MED23: variants seen among roughly 807,000 people sequenced by gnomAD.
MED23 encodes the protein mediator of RNA polymerase II transcription subunit 23.
A neutral mutation model predicts 163.9 loss-of-function variants in MED23; 105 were observed. The observed-to-expected ratio is 0.64, with a 90% CI of 0.55 to 0.75. MED23 has a LOEUF of 0.75. Among genes scored for constraint, MED23 ranks in the 30% least tolerant of loss-of-function variants. The probability of loss-of-function intolerance (pLI) is 0.00; values close to 1 mark genes in which losing one functional copy is unlikely to be tolerated. For missense variants in MED23, 1,054 were observed against 1,649.0 expected, an observed-to-expected ratio of 0.64 and a Z score of 6.25; for synonymous variants, 561 against 565.6, an observed-to-expected ratio of 0.99 and a Z score of 0.12.
Position 131,598,617 on chromosome 6 carries a change from A to G in MED23, c.2365T>C (p.Phe789Leu). Residue 789 changes from phenylalanine (F) to leucine (L), a missense_variant, in exon 19 of 29, where the codon TTT becomes CTT. Phe to Leu is a conservative substitution (Grantham distance 22). Coordinates refer to ENST00000368068, the MANE Select transcript of MED23 (RefSeq NM_004830.4). The surrounding 1 kb of genome is among the most constrained non-coding windows in gnomAD (Gnocchi z 4.7). ...HFSMQGSPPL[F>L]LCLLWKMLLE... is the part of the protein sequence containing the mutation. Reference sequence around the variant, plus strand: ...AGCATTTTCCAGAGAAGACAAAGAAAGAGAGGAGGGGAGCCCTGCATAGAG... The same window carrying G: ...AGCATTTTCCAGAGAAGACAAAGAAGGAGAGGAGGGGAGCCCTGCATAGAG... The G allele has an allele frequency of 6.2e-7, 1 of 1,614,216 alleles. No homozygotes were observed. The highest frequency in any genetic ancestry group is 1.3e-5 in the African/African-American group (1 of 75,064).
In MED23 at chr6:131,591,442, T is replaced by G. The variant is rs1774626456; in HGVS notation, c.3557A>C (p.Tyr1186Ser). 1 of 1,613,954 alleles carries G rather than the reference T, an allele frequency of 6.2e-7. No homozygotes were observed. Among genetic ancestry groups the G allele is most frequent in the Non-Finnish European group, 8.5e-7 (1 of 1,179,872 alleles). Residue 1186 changes from tyrosine to serine, a missense_variant, in exon 26 of 29, where the codon TAT becomes TCT. Coordinates refer to ENST00000368068, the MANE Select transcript of MED23 (RefSeq NM_004830.4). Reference sequence around the variant, plus strand: ...AGTGAAATCAAAGAGGCGGAATGGATAGCCAACCCACTCTGTTTCAGACGT... The same window carrying G: ...AGTGAAATCAAAGAGGCGGAATGGAGAGCCAACCCACTCTGTTTCAGACGT... Reference protein sequence around the residue: ...SLTSETEWVGYPFRLFDFTAC... With the variant: ...SLTSETEWVGSPFRLFDFTAC...
intron 12 of MED23, among the ~76,000 whole-genome samples, chr6:131,607,366 G>A (rs531679661): frequency 2.6e-5 from 4 of 152,018 alleles, no homozygotes; most frequent in African/African-American, 7.2e-5. Context: ...CCAACACGGC[G>A]AAACCCTGTC....
rs77187818 is a variant in MED23 at position 131,593,092 on chromosome 6, A to G, written c.3312T>C (p.Ala1104=). The part of the protein sequence containing the change: ...FNEFPNPAAH[A]LHVTCVELMA... ...TGAGCTCCACACAAGTAACATGGAG[A>G]GCATGGGCAGCTGGGTTGGGAAACT... Residue 1104 remains alanine (A), a synonymous_variant, in exon 24 of 29, where the codon GCT becomes GCC. Transcript: ENST00000368068. The G allele has an allele frequency of 0.032, 50,970 of 1,614,178 alleles. 945 individuals are homozygous for G. The highest frequency in any genetic ancestry group is 0.038 in the Non-Finnish European group (45,343 of 1,180,002).
downstream of MED23, among the ~76,000 whole-genome samples, chr6:131,582,343 G>A (rs898905857): frequency 6.6e-6 from 1 of 152,118 alleles, no homozygotes; most frequent in African/African-American, 2.4e-5. Context: ...CCAAAGTAAT[G>A]GGAGCACAAT....
chr6:131,581,517 G>A, intron 30 of MED23: 1 of 1,058,442 alleles, frequency 9.4e-7, no homozygotes, highest in Admixed American at 2.1e-5. Context: ...AATAAGCAAA[G>A]GGTTGGTTGA....
chr6:131,583,406 T>C, downstream of MED23: 1 of 1,614,184 alleles, frequency 6.2e-7, no homozygotes. Context: ...TGGACCCATC[T>C]TTCACACCAG....
chr6:131,623,127 T>A (rs190925433), intron 5 of MED23, among the ~76,000 whole-genome samples: 1 of 152,158 alleles, frequency 6.6e-6, no homozygotes, highest in Non-Finnish European at 1.5e-5. Flanking sequence ...CTGCTCTTCA[T>A]AAAAATGTAT....
rs1775211542 is a variant in MED23, at chr6:131,598,177, A to G, written c.2607+110T>C. The G allele has an allele frequency of 9.3e-7, 1 of 1,076,206 alleles. No homozygotes were observed. Among genetic ancestry groups the G allele is most frequent in the Admixed American group, 2.1e-5 (1 of 48,716 alleles). 66.7% of individuals were successfully genotyped at this position (1,076,206 alleles called of 1,614,324 possible). ...GGGAAGTGACAGCAATGCTTGATATAGTATAAATTCATTAAATCCTTCAAA... is the reference window on the plus strand; with the variant it reads ...GGGAAGTGACAGCAATGCTTGATATGGTATAAATTCATTAAATCCTTCAAA... On this transcript the variant is annotated intron_variant, in intron 20 of 28. Transcript: ENST00000368068. The surrounding 1 kb of genome is among the most constrained non-coding windows in gnomAD (Gnocchi z 4.7).
chr6:131,608,354 A>G (rs1376776670), intron 11 of MED23, among the ~76,000 whole-genome samples: 1 of 152,136 alleles, frequency 6.6e-6, no homozygotes, highest in African/African-American at 2.4e-5. Context: ...GTCATATACA[A>G]CATGCACAAC....
intron 17 of MED23, 31 bp downstream of exon 17, chr6:131,602,187 G>T: frequency 6.2e-7 from 1 of 1,605,340 alleles, no homozygotes; most frequent in Non-Finnish European, 8.5e-7. Context: ...TAATTCATCT[G>T]TTGTTGTTTG....
chr6:131,590,701 T>A (rs574635918), intron 26 of MED23, among the ~76,000 whole-genome samples: 1 of 152,268 alleles, frequency 6.6e-6, no homozygotes, highest in South Asian at 2.1e-4. Context: ...TGATCTTGGC[T>A]CACTGCAACC....
At chr6:131,583,466 C>T (rs775687110), downstream of MED23, 2 of 1,614,090 alleles carry the variant, frequency 1.2e-6, no homozygotes, top group East Asian at 2.2e-5. Flanking sequence ...AAGGTCTCTA[C>T]ATCACAGAAG....
chr6:131,595,992 G>A lies in MED23; in HGVS notation c.2950C>T (p.Leu984=). The change falls in exon 22 of 29, where the codon CTG becomes TTG. Residue 984 remains leucine (L), a synonymous_variant. Transcript: ENST00000368068. ...FLELLPVSKS[L]ETLLDHLGGL... ...CCTAGATGATCCAGTAGAGTCTCCA[G>A]TGATTTGGATACCGGAAGCAACTCT... The A allele has an allele frequency of 6.2e-7, 1 of 1,614,012 alleles. No individual in the cohort carries two copies. The highest frequency in any genetic ancestry group is 8.5e-7 in the Non-Finnish European group (1 of 1,179,966).
chr6:131,625,509 G>A (rs145865343), intron 3 of MED23, among the ~76,000 whole-genome samples: 205 of 152,202 alleles, frequency 1.3e-3, no homozygotes, highest in South Asian at 5.6e-3. Context: ...TGTTGTGCCC[G>A]TATCAAAGTT....
In MED23 at chr6:131,589,566, T is replaced by C. The variant is rs71572975; in HGVS notation, c.3838A>G (p.Asn1280Asp). ...IGVAFYDMLL[N>D]VDQCSTHLNY... ...AAATGGGTGCTACACTGGTCAACAT[T>C]CAGCAGCATGTCATAAAACGCCACA... The change falls in exon 28 of 29, where the codon AAT (asparagine) becomes GAT (aspartate). Residue 1280 changes from asparagine to aspartate, a missense_variant. Around this residue, in one of 11 missense-constraint regions of MED23, gnomAD observed 362 missense variants for 471.6 expected, o/e 0.77. Transcript: ENST00000368068. 6.2e-7 allele frequency: 1 copy of C among 1,613,946 alleles called. No individual in the cohort carries two copies. Among genetic ancestry groups the C allele is most frequent in the East Asian group, 2.2e-5 (1 of 44,854 alleles).
At chr6:131,614,107 G>A (rs1237809993) in intron 10 of MED23, among the ~76,000 whole-genome samples, 1 of 152,070 alleles carries the variant, frequency 6.6e-6, no homozygotes, top group African/African-American at 2.4e-5. Context: ...TTAATGACTT[G>A]GTATTTAAGA....
rs369037334 is a variant in MED23 at position 131,591,280 on chromosome 6, C to T, written c.3686+33G>A. Reference sequence around the variant, plus strand: ...GGCATGAACCACCGCACCCAGCCTACGTCAAATTTCTTTAAGAAATTATTA... The same window carrying T: ...GGCATGAACCACCGCACCCAGCCTATGTCAAATTTCTTTAAGAAATTATTA... On this transcript the variant is annotated intron_variant, in intron 26 of 28. Coordinates refer to ENST00000368068, the MANE Select transcript of MED23 (RefSeq NM_004830.4). The T allele has an allele frequency of 1.4e-3, 2,230 of 1,542,390 alleles. 3 individuals are homozygous for T. Among genetic ancestry groups the T allele is most frequent in the Non-Finnish European group, 1.9e-3 (2,073 of 1,117,930 alleles).
At position 131,602,287 on chromosome 6, in the gene MED23, G is replaced by T; in HGVS notation, c.2026C>A (p.Leu676Ile). The T allele has an allele frequency of 1.9e-6, 3 of 1,613,966 alleles. No homozygotes were observed. The highest frequency in any genetic ancestry group is 2.5e-6 in the Non-Finnish European group (3 of 1,179,844). ...TTCAGTTCTTCAGATTCTGCTGAGA[G>T]CACTGTTTTGGGATCACTAAGGAAG... ...TRFLSDPKTV[L>I]SAESEELNRA... is the part of the protein sequence containing the mutation. Residue 676 changes from leucine to isoleucine, a missense_variant, in exon 17 of 29, where the codon CTC (leucine) becomes ATC (isoleucine). Physicochemically the swap from Leu to Ile is conservative, Grantham distance 5. Transcript: ENST00000368068.
intron 9 of MED23, among the ~76,000 whole-genome samples, 162 bp downstream of exon 9, chr6:131,618,245 G>A (rs17060452): frequency 0.012 from 1,775 of 152,218 alleles, 34 homozygotes; most frequent in African/African-American, 0.041. Flanking sequence ...ATAAACCACA[G>A]GGTATATTTA....
Sources: gnomAD v4.1 joint callset for allele counts (sites outside exome capture counted in the v4.1 genomes callset) on GRCh38, gnomAD v4.1.1 for gene constraint, gnomAD v4.1.1 regional missense constraint, Gnocchi (gnomAD v3.1) non-coding constraint, MANE v1.5 for transcripts, NCBI Gene and HGNC (gene_info 2026-07-23, HGNC 2026-07-21) for gene names.